Variants in TECPR2 observed in about 807,000 individuals in gnomAD.
TECPR2 encodes the protein tectonin beta-propeller repeat containing 2, also known as tectonin beta-propeller repeat-containing protein 2.
Under a neutral mutation model 138.1 loss-of-function variants are expected in TECPR2, and 65 were observed. That is an observed-to-expected ratio of 0.47 (90% CI 0.39 to 0.58). The LOEUF is 0.58. Among genes scored for constraint, TECPR2 ranks in the 20% least tolerant of loss-of-function variants. The probability of loss-of-function intolerance (pLI) is 0.00; values close to 1 mark genes in which losing one functional copy is unlikely to be tolerated. For missense variants in TECPR2, 1,553 were observed against 1,824.5 expected (o/e 0.85, Z 2.71); for synonymous variants, 746 against 749.8 (o/e 0.99, Z 0.08).
At chr14:102,456,658 C>G (rs537887520) in intron 16 of TECPR2, among the ~76,000 whole-genome samples, 8 of 149,750 alleles carry the variant, frequency 5.3e-5, no homozygotes, top group African/African-American at 2.0e-4. Context: ...GGCGCAATCT[C>G]GGCTCCCTGC....
chr14:102,439,154 A>T (rs983333722), intron 10 of TECPR2, among the ~76,000 whole-genome samples: 1 of 151,922 alleles, frequency 6.6e-6, no homozygotes, highest in Non-Finnish European at 1.5e-5. Flanking sequence ...GAGAGCCACT[A>T]CGCCCGGCTT....
intron 1 of TECPR2, among the ~76,000 whole-genome samples, chr14:102,366,349 T>TTATG (rs1433179631): frequency 2.0e-5 from 3 of 152,126 alleles, no homozygotes; most frequent in Non-Finnish European, 4.4e-5. Flanking sequence ...ATATTTTTAT[T>TTATG]TATTTATTTA....
chr14:102,453,119 C>G (rs1890189979), intron 16 of TECPR2, among the ~76,000 whole-genome samples: 1 of 152,196 alleles, frequency 6.6e-6, no homozygotes, highest in African/African-American at 2.4e-5. Context: ...GGACCTGCAT[C>G]CACTAGCTCC....
chr14:102,460,757 C>T lies in TECPR2; in HGVS notation c.3641-4384C>T, dbSNP rs566310997. Among the ~76,000 whole-genome samples, 17 of 148,060 alleles carry T rather than the reference C, an allele frequency of 1.1e-4. No individual in the cohort carries two copies. The East Asian group carries it at 2.2e-3, about 19-fold the overall frequency. ...TCGCCCAGGCTGGAGTGCAGTGGCA[C>T]GATCTCCGCTCACTGCAAGCTCCAC... On this transcript the variant is annotated intron_variant, in intron 16 of 19. Transcript: ENST00000359520.
At chr14:102,376,206 T>G (rs1163501624) in intron 1 of TECPR2, among the ~76,000 whole-genome samples, 1 of 152,194 alleles carries the variant, frequency 6.6e-6, no homozygotes, top group East Asian at 1.9e-4. Context: ...CCATATCCTG[T>G]CCAACCTGGT....
intron 17 of TECPR2, among the ~76,000 whole-genome samples, chr14:102,492,509 TAG>T (rs1358152265): frequency 2.0e-5 from 3 of 152,220 alleles, no homozygotes; most frequent in Admixed American, 6.5e-5. Flanking sequence ...TAATACAAAA[TAG>T]AGTTTCTTTT....
intron 2 of TECPR2, among the ~76,000 whole-genome samples, chr14:102,379,182 G>A (rs1038004123): frequency 6.6e-6 from 1 of 152,092 alleles, no homozygotes; most frequent in African/African-American, 2.4e-5. Context: ...TAGTCACACT[G>A]CTAAAGATCA....
In TECPR2 at chr14:102,443,836, G is replaced by A. The variant is rs549959695; in HGVS notation, c.2933+9G>A. The A allele has an allele frequency of 1.5e-5, 23 of 1,556,598 alleles. No individual in the cohort carries two copies. The Admixed American group carries it at 1.9e-4, about 13-fold the overall frequency. On this transcript the variant is annotated intron_variant, in intron 12 of 19. Coordinates refer to ENST00000359520, the MANE Select transcript of TECPR2 (RefSeq NM_014844.5). The surrounding 1 kb of genome is among the most constrained non-coding windows in gnomAD (Gnocchi z 4.9). ...AAGTGTGACATTGTCAGGTACTGGCGGGCCAGAGACTCCTTTCACATCGTG... is the reference window on the plus strand; with the variant it reads ...AAGTGTGACATTGTCAGGTACTGGCAGGCCAGAGACTCCTTTCACATCGTG...
intron 17 of TECPR2, among the ~76,000 whole-genome samples, chr14:102,495,734 A>G (rs1396289168): frequency 1.3e-5 from 2 of 152,214 alleles, no homozygotes; most frequent in African/African-American, 2.4e-5. Context: ...TCCATCCTCC[A>G]TGTCCTGATC....
At chr14:102,386,045 GAAA>G (rs1241364844) in intron 2 of TECPR2, among the ~76,000 whole-genome samples, 1 of 151,796 alleles carries the variant, frequency 6.6e-6, no homozygotes, top group East Asian at 1.9e-4. Context: ...TTAACATTTG[GAAA>G]AAAAATGTAT....
rs997846617 is a variant in TECPR2, at chr14:102,407,367, G to A, written c.249G>A (p.Lys83=). 1 of 1,612,188 alleles carries A rather than the reference G, an allele frequency of 6.2e-7. No homozygotes were observed. Among genetic ancestry groups the A allele is most frequent in the African/African-American group, 1.3e-5 (1 of 74,814 alleles). The change falls in exon 3 of 20, where the codon AAG becomes AAA. Residue 83 remains lysine, a synonymous_variant. Transcript: ENST00000359520. Reference sequence around the variant, plus strand: ...AGACGGAATCTATCACTGTGGTGAAGCTGCTGAGCTGCTTTGATGACCTGG... The same window carrying A: ...AGACGGAATCTATCACTGTGGTGAAACTGCTGAGCTGCTTTGATGACCTGG... ...EGKTESITVV[K]LLSCFDDLVA...
rs1326514081 is a variant in TECPR2 at position 102,415,886 on chromosome 14, G to A, written c.638+1093G>A. ...GGGAAACATGGTGAGATTGGCAGGC[G>A]TTGATGAGGCCCTGCGGCTGGTGGT... On this transcript the variant is annotated intron_variant, in intron 5 of 19. Coordinates refer to ENST00000359520, the MANE Select transcript of TECPR2 (RefSeq NM_014844.5). The surrounding 1 kb of genome is among the most constrained non-coding windows in gnomAD (Gnocchi z 4.3). Among the ~76,000 whole-genome samples the A allele has an allele frequency of 1.3e-5, 2 of 152,198 alleles. No individual in the cohort carries two copies. Among genetic ancestry groups the A allele is most frequent in the East Asian group, 1.9e-4 (1 of 5,186 alleles).
At chr14:102,408,188 C>G (rs1888716070) in intron 3 of TECPR2, among the ~76,000 whole-genome samples, 1 of 151,606 alleles carries the variant, frequency 6.6e-6, no homozygotes, top group Non-Finnish European at 1.5e-5. Context: ...AAAAAATGCT[C>G]AGAGAAGCTT....
At chr14:102,448,114 A>G (rs1890036308) in intron 13 of TECPR2, among the ~76,000 whole-genome samples, 1 of 152,074 alleles carries the variant, frequency 6.6e-6, no homozygotes, top group South Asian at 2.1e-4. Context: ...ATACATATAC[A>G]TGTAAAAATA....
chr14:102,488,272 G>C (rs1239766318), intron 17 of TECPR2, among the ~76,000 whole-genome samples: 1 of 150,946 alleles, frequency 6.6e-6, no homozygotes, highest in Non-Finnish European at 1.5e-5. Context: ...TCCTGCCTCA[G>C]TGTCTCATAG....
chr14:102,463,959 T>G (rs1398753464), intron 16 of TECPR2, among the ~76,000 whole-genome samples: 1 of 151,968 alleles, frequency 6.6e-6, no homozygotes, highest in East Asian at 1.9e-4. Context: ...AACAAACAAT[T>G]CAACTTAGCC....
At chr14:102,408,708 A>G in intron 4 of TECPR2, 89 bp downstream of exon 4, 1 of 1,313,644 alleles carries the variant, frequency 7.6e-7, no homozygotes. Flanking sequence ...GTCAACTTGT[A>G]TTCTTGATCA....
chr14:102,440,591 G>A lies in TECPR2; in HGVS notation c.2734G>A (p.Asp912Asn). The A allele has an allele frequency of 3.7e-6, 6 of 1,613,754 alleles. No homozygotes were observed. Among genetic ancestry groups the A allele is most frequent in the Non-Finnish European group, 3.4e-6 (4 of 1,179,876 alleles). ...GGCCTGGATCATCAGGACCAGTGGG[G>A]ACCTATACTTGCAGACAGGTAACCG... ...DTAWIIRTSG[D>N]LYLQTGLSVD... The change falls in exon 11 of 20, where the codon GAC (aspartate) becomes AAC (asparagine). Residue 912 changes from aspartate (D) to asparagine (N), a missense_variant. Physicochemically the swap from Asp to Asn is conservative, Grantham distance 23 (BLOSUM62 1). Transcript: ENST00000359520.
chr14:102,377,792 T>C (rs888514086), intron 2 of TECPR2, among the ~76,000 whole-genome samples: 6 of 152,244 alleles, frequency 3.9e-5, no homozygotes, highest in African/African-American at 2.4e-5. Context: ...TTTTCCTAAG[T>C]GTTTACAGGA....
Sources: allele counts gnomAD v4.1 joint callset (sites outside exome capture counted in the v4.1 genomes callset), GRCh38; gene constraint gnomAD v4.1.1; non-coding constraint Gnocchi (gnomAD v3.1); transcripts MANE v1.5; gene names NCBI Gene and HGNC (gene_info 2026-07-23, HGNC 2026-07-21).